The following TEKT3 variants were observed in gnomAD, a reference collection of about 807,000 sequenced individuals.
TEKT3 encodes tektin-3.
In TEKT3, 49 loss-of-function variants were observed where a neutral mutation model predicts 49.8. The ratio of observed to expected loss-of-function variants is 0.98; its 90% CI spans 0.78 to 1.25. The LOEUF is 1.25. Among genes scored for constraint, TEKT3 ranks in the 50% most tolerant of loss-of-function variants. The probability of loss-of-function intolerance (pLI) is 0.00; values close to 1 mark genes in which losing one functional copy is unlikely to be tolerated. For synonymous variants in TEKT3, 225 were observed against 237.2 expected (o/e 0.95, Z 0.47); for missense variants, 595 against 629.5 (o/e 0.95, Z 0.59).
chr17:15,312,498 G>T lies in TEKT3; in HGVS notation c.879-17C>A, dbSNP rs1252642342. On this transcript the variant is annotated splice_polypyrimidine_tract_variant and intron_variant, in intron 6 of 8. Coordinates refer to ENST00000395930, the MANE Select transcript of TEKT3 (RefSeq NM_031898.3). ...ACTGAGACACTGAAAAAGAGAAGCA[G>T]AAGCAGACAACAGTGAGAGTGATGA... is the stretch of plus-strand genomic sequence containing the variant. The T allele has an allele frequency of 6.2e-7, 1 of 1,610,676 alleles. No homozygotes were observed. Among genetic ancestry groups the T allele is most frequent in the Admixed American group, 1.7e-5 (1 of 59,982 alleles).
chr17:15,333,492 C>T (rs979205564), intron 2 of TEKT3, among the ~76,000 whole-genome samples: 1 of 152,142 alleles, frequency 6.6e-6, no homozygotes, highest in Admixed American at 6.6e-5. Context: ...ACTGGCCAAA[C>T]TTACAGACTG....
At chr17:15,317,960 T>C (rs1045705725) in intron 5 of TEKT3, among the ~76,000 whole-genome samples, 3 of 151,036 alleles carry the variant, frequency 2.0e-5, no homozygotes, top group East Asian at 3.9e-4. Context: ...GGTGTAATCA[T>C]TGCAGAGGTC....
At chr17:15,313,836 C>T (rs927732707) in intron 6 of TEKT3, among the ~76,000 whole-genome samples, 6 of 152,146 alleles carry the variant, frequency 3.9e-5, no homozygotes, top group Non-Finnish European at 7.3e-5. Flanking sequence ...ACTTCTGCAT[C>T]AGGTAGGGTT....
chr17:15,319,067 A>C lies in TEKT3; in HGVS notation c.734+10T>G. ...AGATTTTGAATTGTATAGAGACATA[A>C]AGCTCTTACGCAAGTTGGGCAATAG... On this transcript the variant is annotated intron_variant, in intron 5 of 8. Transcript: ENST00000395930. 6.2e-7 allele frequency: 1 copy of C among 1,606,798 alleles called. No individual in the cohort carries two copies. Among genetic ancestry groups the C allele is most frequent in the Non-Finnish European group, 8.5e-7 (1 of 1,176,260 alleles).
intron 2 of TEKT3, among the ~76,000 whole-genome samples, chr17:15,332,168 G>C: frequency 6.6e-6 from 1 of 152,068 alleles, no homozygotes; most frequent in African/African-American, 2.4e-5. Flanking sequence ...ACTCCAGCCT[G>C]GGCTACAGAG....
At chr17:15,316,327 G>C (rs1041657548) in intron 5 of TEKT3, among the ~76,000 whole-genome samples, 1 of 152,140 alleles carries the variant, frequency 6.6e-6, no homozygotes, top group Non-Finnish European at 1.5e-5. Context: ...TGGGGAGGTG[G>C]AATAGAGACT....
At chr17:15,312,573 C>G in intron 6 of TEKT3, 92 bp from the exon 7 acceptor site, 1 of 1,116,792 alleles carries the variant, frequency 9.0e-7, no homozygotes, top group Non-Finnish European at 1.3e-6. Flanking sequence ...AGAGAGAAAC[C>G]CCCAGGTCGC....
chr17:15,313,000 T>C (rs1027604990), intron 6 of TEKT3, among the ~76,000 whole-genome samples: 2 of 152,210 alleles, frequency 1.3e-5, no homozygotes, highest in African/African-American at 4.8e-5. Flanking sequence ...CCAACAGCCT[T>C]TCATTCAAAT....
At position 15,312,417 on chromosome 17, in the gene TEKT3, G is replaced by T. The variant is rs533969163; in HGVS notation, c.943C>A (p.Arg315=). The T allele has an allele frequency of 3.1e-6, 5 of 1,614,030 alleles. No homozygotes were observed. The highest frequency in any genetic ancestry group is 1.3e-5 in the African/African-American group (1 of 74,920). Residue 315 remains arginine, a synonymous_variant, in exon 7 of 9, where the codon CGG becomes AGG. Coordinates refer to ENST00000395930, the MANE Select transcript of TEKT3 (RefSeq NM_031898.3). ...TCTCTTAGCTTAGCGGAAGCTGCCCGTTCACTCTGGGAGCGGAGAATATTG... is the reference window on the plus strand; with the variant it reads ...TCTCTTAGCTTAGCGGAAGCTGCCCTTTCACTCTGGGAGCGGAGAATATTG... ...DDNILRSQSE[R]AASAKLRDDI...
At chr17:15,321,329 A>C (rs896824690) in intron 4 of TEKT3, among the ~76,000 whole-genome samples, 13 of 152,060 alleles carry the variant, frequency 8.5e-5, no homozygotes, top group Non-Finnish European at 1.9e-4. Context: ...TTTATATGTG[A>C]ATTTAAATAA....
chr17:15,341,401 T>C (rs1052234946), intron 1 of TEKT3, 117 bp downstream of exon 1: 45 of 146,488 alleles, frequency 3.1e-4, no homozygotes, highest in Admixed American at 2.9e-3. Flanking sequence ...CGGGGAGGAA[T>C]TGCAGGGTGT....
At chr17:15,326,215 A>G (rs1475758479) in intron 4 of TEKT3, among the ~76,000 whole-genome samples, 1 of 152,184 alleles carries the variant, frequency 6.6e-6, no homozygotes, top group Non-Finnish European at 1.5e-5. Context: ...CTACCTTGTC[A>G]TACTTACTTT....
intron 5 of TEKT3, among the ~76,000 whole-genome samples, chr17:15,318,173 T>A (rs1418567362): frequency 2.0e-5 from 3 of 151,560 alleles, no homozygotes; most frequent in Non-Finnish European, 4.4e-5. Context: ...GTATTTTTAG[T>A]AGAGACGGAC....
intron 4 of TEKT3, among the ~76,000 whole-genome samples, chr17:15,324,873 T>C (rs544973364): frequency 6.6e-6 from 1 of 152,328 alleles, no homozygotes; most frequent in African/African-American, 2.4e-5. Context: ...TATTCATGCC[T>C]ATGTTCTTTT....
chr17:15,334,056 C>T (rs150824032), intron 2 of TEKT3, among the ~76,000 whole-genome samples: 82 of 151,842 alleles, frequency 5.4e-4, no homozygotes, highest in African/African-American at 1.7e-3. Flanking sequence ...AGCCACCACG[C>T]CCAGCTGGTT....
chr17:15,309,726 C>T (rs1018275693), intron 7 of TEKT3, among the ~76,000 whole-genome samples: 11 of 152,248 alleles, frequency 7.2e-5, no homozygotes, highest in Admixed American at 6.5e-4. Flanking sequence ...TGCCCACTGC[C>T]TTCACTTCCC....
Position 15,331,157 on chromosome 17 carries a change from G to T in TEKT3, c.429C>A (p.Thr143=). ...CATTGACACGTTCTCCCAGATTTTG[G>T]GTTGTGTCTGCCTGAGTTTTTCTTG... ...QQTRKTQADT[T]QNLGERVNDI... is the part of the protein sequence containing the mutation. Residue 143 remains threonine (T), a synonymous_variant, in exon 3 of 9, where the codon ACC becomes ACA. Coordinates refer to ENST00000395930, the MANE Select transcript of TEKT3 (RefSeq NM_031898.3). The T allele has an allele frequency of 1.9e-6, 3 of 1,614,136 alleles. No homozygotes were observed. Among genetic ancestry groups the T allele is most frequent in the Non-Finnish European group, 2.5e-6 (3 of 1,180,030 alleles).
At chr17:15,306,089 A>ATATGTGTGTG (rs1291765039) in intron 8 of TEKT3, among the ~76,000 whole-genome samples, 3 of 144,410 alleles carry the variant, frequency 2.1e-5, no homozygotes, top group Non-Finnish European at 3.0e-5. Flanking sequence ...ATTTATATAT[A>ATATGTGTGTG]TGTGTGTGTG....
chr17:15,337,632 A>G (rs1912039435), intron 2 of TEKT3, among the ~76,000 whole-genome samples: 1 of 152,216 alleles, frequency 6.6e-6, no homozygotes, highest in Admixed American at 6.5e-5. Flanking sequence ...TCACGAGGTC[A>G]GAAGTTCAAG....
Sources: allele counts gnomAD v4.1 joint callset (sites outside exome capture counted in the v4.1 genomes callset), GRCh38; gene constraint gnomAD v4.1.1; transcripts MANE v1.5; gene names NCBI Gene and HGNC (gene_info 2026-07-23, HGNC 2026-07-21).